Variants in EPHB1 observed in about 807,000 individuals in gnomAD.
EPHB1 encodes the protein EPH receptor B1.
EPHB1 carries 30 observed loss-of-function variants against 94.4 expected under a neutral mutation model. The observed-to-expected ratio is 0.32, with a 90% CI of 0.24 to 0.43. EPHB1 has a LOEUF of 0.43. Ranked by LOEUF, EPHB1 falls within the 20% of genes least tolerant of loss-of-function variation. The pLI is 1.00. For synonymous variants in EPHB1, 522 were observed against 489.1 expected (o/e 1.07, Z -0.89); for missense variants, 1,055 against 1,308.3 (o/e 0.81, Z 2.99).
At chr3:135,080,276 G>A (rs889529249) in intron 3 of EPHB1, among the ~76,000 whole-genome samples, 2 of 152,212 alleles carry the variant, frequency 1.3e-5, no homozygotes, top group African/African-American at 2.4e-5. Flanking sequence ...GCTTCACAGA[G>A]GAGGTAGAGT....
chr3:134,946,052 C>T lies in EPHB1; in HGVS notation c.124-5319C>T, dbSNP rs138649854. On this transcript the variant is annotated intron_variant, in intron 2 of 15. Coordinates refer to ENST00000398015, the MANE Select transcript of EPHB1 (RefSeq NM_004441.5). ...GATACCTGAAAGAGTGTTCAGGGGA[C>T]ACATGGCCCCTTGAGTCTGTGGCTC... Among the ~76,000 whole-genome samples, 15 of 152,254 alleles carry T rather than the reference C, an allele frequency of 9.9e-5. 1 individual carries two copies. In the East Asian group the frequency reaches 2.9e-3, roughly 29 times the overall value.
At chr3:135,212,254 T>C (rs1193602093) in intron 12 of EPHB1, among the ~76,000 whole-genome samples, 1 of 152,232 alleles carries the variant, frequency 6.6e-6, no homozygotes, top group Admixed American at 6.5e-5. Context: ...ATAGCTACCA[T>C]AGCAGCTTTA....
In EPHB1 at chr3:134,802,756, C is replaced by T. The variant is rs145596855; in HGVS notation, c.58+7067C>T. On this transcript the variant is annotated intron_variant, in intron 1 of 15. Coordinates refer to ENST00000398015, the MANE Select transcript of EPHB1 (RefSeq NM_004441.5). ...TCTAACTTTGTGAATGAGAAGATTT[C>T]ATTTTGACAGCCTAGCAAATGAGTT... is the stretch of plus-strand genomic sequence containing the variant. 4.3e-3 allele frequency among the ~76,000 whole-genome samples: 652 copies of T among 152,314 alleles called. 2 individuals carry two copies. Among genetic ancestry groups the T allele is most frequent in the South Asian group, 0.014 (66 of 4,826 alleles).
intron 3 of EPHB1, among the ~76,000 whole-genome samples, chr3:135,095,039 G>A (rs1938707749): frequency 6.6e-6 from 1 of 152,194 alleles, no homozygotes; most frequent in Non-Finnish European, 1.5e-5. Context: ...TGCAGGAAGA[G>A]CCAAATCAGT....
intron 1 of EPHB1, among the ~76,000 whole-genome samples, chr3:134,903,617 C>T (rs1428920790): frequency 6.6e-6 from 1 of 152,152 alleles, no homozygotes; most frequent in African/African-American, 2.4e-5. Context: ...CTCATGTATA[C>T]TTCCCTTCCA....
intron 4 of EPHB1, among the ~76,000 whole-genome samples, chr3:135,125,598 T>A (rs142476790): frequency 2.7e-4 from 41 of 152,378 alleles, no homozygotes; most frequent in African/African-American, 8.9e-4. Context: ...AATAAAGGTT[T>A]GGTGTTGTTT....
chr3:135,171,643 C>A (rs947546489), intron 9 of EPHB1, among the ~76,000 whole-genome samples: 5 of 152,152 alleles, frequency 3.3e-5, no homozygotes, highest in Non-Finnish European at 5.9e-5. Flanking sequence ...AAATAGGAGA[C>A]CTAACTTGCT....
chr3:135,062,871 C>A (rs1024174918), intron 3 of EPHB1, among the ~76,000 whole-genome samples: 13 of 152,024 alleles, frequency 8.6e-5, no homozygotes, highest in African/African-American at 3.1e-4. Context: ...TGTAAAGTGA[C>A]AGATGAGGAT....
intron 1 of EPHB1, among the ~76,000 whole-genome samples, chr3:134,910,066 G>A (rs551827622): frequency 4.6e-5 from 7 of 152,322 alleles, no homozygotes; most frequent in African/African-American, 1.7e-4. Flanking sequence ...TCTCAGTTTA[G>A]CTGCTAAGGG....
At chr3:135,030,551 G>A (rs529470272) in intron 3 of EPHB1, among the ~76,000 whole-genome samples, 343 of 152,340 alleles carry the variant, frequency 2.3e-3, no homozygotes, top group African/African-American at 7.9e-3. Context: ...TCAGGGGTCA[G>A]GGACCCACTT....
rs563198689 is a variant in EPHB1 at position 134,957,283 on chromosome 3, T to C, written c.805+5231T>C. Among the ~76,000 whole-genome samples, 18 of 152,282 alleles carry C rather than the reference T, an allele frequency of 1.2e-4. No homozygotes were observed. The South Asian group carries it at 3.5e-3, about 30-fold the overall frequency. On this transcript the variant is annotated intron_variant, in intron 3 of 15. Transcript: ENST00000398015. Reference sequence around the variant, plus strand: ...TTAAAAAATCCAAGAACCCCAGCTCTAAGCAGCAGACCAGGACCATGTATG... The same window carrying C: ...TTAAAAAATCCAAGAACCCCAGCTCCAAGCAGCAGACCAGGACCATGTATG...
chr3:135,005,683 G>A (rs958991932), intron 3 of EPHB1, among the ~76,000 whole-genome samples: 1 of 152,342 alleles, frequency 6.6e-6, no homozygotes, highest in Non-Finnish European at 1.5e-5. Context: ...TAAGCCCGTC[G>A]GAAAAGCGCA....
intron 12 of EPHB1, among the ~76,000 whole-genome samples, chr3:135,227,851 A>G (rs1165830695): frequency 6.6e-6 from 1 of 151,944 alleles, no homozygotes; most frequent in Non-Finnish European, 1.5e-5. Flanking sequence ...ATTTGACCCC[A>G]TTTCTTTATT....
intron 6 of EPHB1, among the ~76,000 whole-genome samples, chr3:135,159,604 T>G (rs1345359519): frequency 6.6e-6 from 1 of 152,250 alleles, no homozygotes; most frequent in African/African-American, 2.4e-5. Flanking sequence ...ATCCCTTCTA[T>G]AGTGGACAGC....
chr3:135,044,832 A>C (rs1257237656), intron 3 of EPHB1, among the ~76,000 whole-genome samples: 1 of 152,206 alleles, frequency 6.6e-6, no homozygotes, highest in Non-Finnish European at 1.5e-5. Flanking sequence ...AGTACATGTG[A>C]GTATTCCTAG....
chr3:135,143,603 C>G (rs990377458), intron 5 of EPHB1, among the ~76,000 whole-genome samples: 10 of 152,118 alleles, frequency 6.6e-5, no homozygotes, highest in African/African-American at 2.4e-4. Flanking sequence ...TTAAACAGAC[C>G]AAAGCTGCCA....
intron 2 of EPHB1, among the ~76,000 whole-genome samples, chr3:134,939,432 C>A (rs1297744465): frequency 1.3e-5 from 2 of 152,076 alleles, no homozygotes; most frequent in Non-Finnish European, 2.9e-5. Context: ...GGACGTAAAT[C>A]AAGCATATTG....
intron 3 of EPHB1, among the ~76,000 whole-genome samples, chr3:134,969,164 C>T (rs1303198804): frequency 6.6e-6 from 1 of 152,186 alleles, no homozygotes; most frequent in Non-Finnish European, 1.5e-5. Context: ...GCCTTTTTGG[C>T]AGCACTTGGT....
rs189393596 is a variant in EPHB1 at position 135,115,209 on chromosome 3, C to G, written c.961+8606C>G. Among the ~76,000 whole-genome samples, 3 of 152,300 alleles carry G rather than the reference C, an allele frequency of 2.0e-5. No individual in the cohort carries two copies. The East Asian group carries it at 5.8e-4, about 29-fold the overall frequency. On this transcript the variant is annotated intron_variant, in intron 4 of 15. Coordinates refer to ENST00000398015, the MANE Select transcript of EPHB1 (RefSeq NM_004441.5). ...AAAACTCAGAACAAAGCTGTCCTCTCCATGACTTTAGGGTCCCCTCTTGCC... is the reference window on the plus strand; with the variant it reads ...AAAACTCAGAACAAAGCTGTCCTCTGCATGACTTTAGGGTCCCCTCTTGCC...
Sources: gnomAD v4.1 joint callset for allele counts (sites outside exome capture counted in the v4.1 genomes callset) on GRCh38, gnomAD v4.1.1 for gene constraint, MANE v1.5 for transcripts, NCBI Gene and HGNC (gene_info 2026-07-23, HGNC 2026-07-21) for gene names.